Variants in BCKDHB observed in about 807,000 individuals in gnomAD.
BCKDHB encodes branched chain keto acid dehydrogenase E1 subunit beta.
Under a neutral mutation model 48.5 loss-of-function variants are expected in BCKDHB, and 41 were observed. The observed-to-expected ratio is 0.85, with a 90% CI of 0.66 to 1.10. The LOEUF (loss-of-function observed/expected upper bound fraction) is 1.10. Among genes scored for constraint, BCKDHB ranks in the 50% least tolerant of loss-of-function variants. The pLI is 0.00. For synonymous variants in BCKDHB, 201 were observed against 174.8 expected, an observed-to-expected ratio of 1.15 and a Z score of -1.18; for missense variants, 496 against 494.2, an observed-to-expected ratio of 1.00 and a Z score of -0.03.
chr6:80,112,098 C>G (rs1014254366), intron 1 of BCKDHB, among the ~76,000 whole-genome samples: 1 of 152,164 alleles, frequency 6.6e-6, no homozygotes, highest in Non-Finnish European at 1.5e-5. Context: ...TATGAGCGCT[C>G]CTTTAATTAT....
At chr6:80,114,673 G>A (rs1283974141) in intron 1 of BCKDHB, among the ~76,000 whole-genome samples, 1 of 152,184 alleles carries the variant, frequency 6.6e-6, no homozygotes, top group East Asian at 1.9e-4. Context: ...TGGGTGGAGG[G>A]TAGTGCCGTT....
chr6:80,318,798 AC>A (rs750216595), intron 9 of BCKDHB, among the ~76,000 whole-genome samples: 3 of 152,140 alleles, frequency 2.0e-5, no homozygotes, highest in East Asian at 3.9e-4. Flanking sequence ...ACAATCATTT[AC>A]ATCATATTAT....
chr6:80,175,991 T>G (rs1348842410), intron 6 of BCKDHB, among the ~76,000 whole-genome samples: 1 of 152,138 alleles, frequency 6.6e-6, no homozygotes, highest in Non-Finnish European at 1.5e-5. Context: ...GGAACTTAGG[T>G]CCATCTCTCA....
intron 1 of BCKDHB, among the ~76,000 whole-genome samples, chr6:80,120,604 G>T (rs1769955968): frequency 6.6e-6 from 1 of 152,152 alleles, no homozygotes; most frequent in African/African-American, 2.4e-5. Context: ...GCATTTCTCT[G>T]ATGACCGGTG....
intron 5 of BCKDHB, among the ~76,000 whole-genome samples, chr6:80,170,579 A>G (rs938973904): frequency 6.6e-6 from 1 of 152,174 alleles, no homozygotes; most frequent in African/African-American, 2.4e-5. Context: ...TATAATAGCT[A>G]CCTAGTGGGG....
chr6:80,276,301 A>G (rs1777965751), intron 9 of BCKDHB, among the ~76,000 whole-genome samples: 1 of 151,976 alleles, frequency 6.6e-6, no homozygotes, highest in African/African-American at 2.4e-5. Flanking sequence ...TTGTTTTTAA[A>G]TACATTAAAA....
intron 3 of BCKDHB, among the ~76,000 whole-genome samples, chr6:80,156,446 AGAAAGATTACATTTTTT>A (rs947622246): frequency 3.3e-5 from 5 of 152,184 alleles, no homozygotes; most frequent in Admixed American, 2.6e-4. Context: ...TGTAGGCAGA[AGAAAGATTACATTTTTT>A]AATAGAGCAA....
chr6:80,340,787 G>T (rs1769853367), intron 9 of BCKDHB, among the ~76,000 whole-genome samples: 1 of 152,016 alleles, frequency 6.6e-6, no homozygotes, highest in African/African-American at 2.4e-5. Flanking sequence ...GTGTGTGTGT[G>T]TGTTTGTGTG....
At chr6:80,130,127 C>G (rs1009035606) in intron 3 of BCKDHB, among the ~76,000 whole-genome samples, 5 of 152,094 alleles carry the variant, frequency 3.3e-5, no homozygotes, top group African/African-American at 1.2e-4. Context: ...AATTCCCACT[C>G]TTCTGACTTG....
intron 1 of BCKDHB, among the ~76,000 whole-genome samples, chr6:80,113,531 A>C (rs1188618248): frequency 3.3e-5 from 5 of 152,212 alleles, no homozygotes; most frequent in Admixed American, 6.5e-5. Flanking sequence ...TGAAGGGCCC[A>C]AGTTGGAAAG....
intron 1 of BCKDHB, 142 bp downstream of exon 1, chr6:80,107,031 T>A (rs35447745): frequency 9.2e-7 from 1 of 1,092,666 alleles, no homozygotes; most frequent in Non-Finnish European, 1.4e-6. Context: ...CCTCCTTGCC[T>A]CAGGGTCTAA....
At chr6:80,348,147 T>G (rs536360325), downstream of BCKDHB, among the ~76,000 whole-genome samples, 3 of 152,288 alleles carry the variant, frequency 2.0e-5, no homozygotes, top group East Asian at 5.8e-4. Flanking sequence ...TTCTAGAATG[T>G]TTTCCCTCAT....
chr6:80,359,545 G>C, the BCKDHB span, among the ~76,000 whole-genome samples: 1,681 of 152,250 alleles, frequency 0.011, 28 homozygotes, highest in African/African-American at 0.039. Flanking sequence ...ACCTCAGGAG[G>C]GAGAAGAGAT....
intron 8 of BCKDHB, among the ~76,000 whole-genome samples, chr6:80,250,021 T>C (rs1468200790): frequency 6.6e-6 from 1 of 152,174 alleles, no homozygotes; most frequent in African/African-American, 2.4e-5. Flanking sequence ...CTTTTCTTTC[T>C]CCACCTCCCA....
At chr6:80,115,439 A>C (rs149760323) in intron 1 of BCKDHB, among the ~76,000 whole-genome samples, 2 of 152,286 alleles carry the variant, frequency 1.3e-5, no homozygotes, top group African/African-American at 4.8e-5. Context: ...ATACCTGGTC[A>C]ATAGAAAGGG....
chr6:80,115,945 T>C (rs1769679692), intron 1 of BCKDHB, among the ~76,000 whole-genome samples: 1 of 152,172 alleles, frequency 6.6e-6, no homozygotes. Context: ...CACACAGGTC[T>C]ATATCAATAA....
chr6:80,409,113 C>T, the BCKDHB span, among the ~76,000 whole-genome samples: 1 of 152,020 alleles, frequency 6.6e-6, no homozygotes, highest in Non-Finnish European at 1.5e-5. Flanking sequence ...TTTATTTCTG[C>T]TTTCATTTCA....
the BCKDHB span, among the ~76,000 whole-genome samples, chr6:80,435,802 G>T: frequency 3.3e-5 from 5 of 152,140 alleles, no homozygotes; most frequent in East Asian, 9.6e-4. Flanking sequence ...GGAAGGCCGA[G>T]GTGGGTGGAT....
Position 80,337,079 on chromosome 6 carries a change from C to G in BCKDHB, c.1039-6585C>G, listed in dbSNP as rs568960931. Among the ~76,000 whole-genome samples the G allele has an allele frequency of 4.6e-5, 7 of 152,192 alleles. No homozygotes were observed. In the South Asian group the frequency reaches 1.5e-3, roughly 32 times the overall value. ...AATGAAATTAATTTGGAGTTGTTGG[C>G]ATACTGCCTTCACAGGTTTCTGTGA... is the stretch of plus-strand genomic sequence containing the variant. On this transcript the variant is annotated intron_variant, in intron 9 of 9. Coordinates refer to ENST00000320393, the MANE Select transcript of BCKDHB (RefSeq NM_183050.4).
Sources: allele counts gnomAD v4.1 joint callset (sites outside exome capture counted in the v4.1 genomes callset), GRCh38; gene constraint gnomAD v4.1.1; transcripts MANE v1.5; gene names NCBI Gene and HGNC (gene_info 2026-07-23, HGNC 2026-07-21).